Variants in FN1 observed in about 807,000 individuals in gnomAD.
FN1 encodes fibronectin 1, also known as fibronectin.
FN1 carries 106 observed loss-of-function variants against 297.3 expected under a neutral mutation model. The ratio of observed to expected loss-of-function variants is 0.36; its 90% confidence interval spans 0.30 to 0.42. The LOEUF (loss-of-function observed/expected upper bound fraction) is 0.42. Ranked by LOEUF, FN1 falls within the 10% of genes least tolerant of loss-of-function variation. The probability of loss-of-function intolerance (pLI) is 1.00; values close to 1 mark genes in which losing one functional copy is unlikely to be tolerated. For synonymous variants in FN1, 1,149 were observed against 1,152.6 expected, an observed-to-expected ratio of 1.00 and a Z score of 0.06; for missense variants, 2,690 against 3,124.9, an observed-to-expected ratio of 0.86 and a Z score of 3.32.
chr2:215,408,479 G>T, intron 15 of FN1, 53 bp from the exon 16 acceptor site: 3 of 1,564,870 alleles, frequency 1.9e-6, no homozygotes, highest in South Asian at 2.2e-5. Context: ...TCCCTCAAAT[G>T]ACTCTACAGC....
At chr2:215,433,938 C>T (rs2066991496) in intron 2 of FN1, among the ~76,000 whole-genome samples, 1 of 152,116 alleles carries the variant, frequency 6.6e-6, no homozygotes, top group South Asian at 2.1e-4. Context: ...CCCGTCTCTA[C>T]TAAAAATATG....
At chr2:215,391,073 C>G (rs2059653374) in intron 26 of FN1, among the ~76,000 whole-genome samples, 1 of 152,102 alleles carries the variant, frequency 6.6e-6, no homozygotes, top group Non-Finnish European at 1.5e-5. Context: ...TATTTAATGT[C>G]AGTTTTTTTT....
intron 21 of FN1, 79 bp downstream of exon 21, chr2:215,399,178 G>A (rs1463390967): frequency 4.7e-6 from 5 of 1,061,542 alleles, no homozygotes; most frequent in Non-Finnish European, 5.9e-6. Context: ...TGACTCCTGA[G>A]CACCCTGTTT....
chr2:215,404,985 T>G (rs1559490241), intron 19 of FN1, among the ~76,000 whole-genome samples: 1 of 152,196 alleles, frequency 6.6e-6, no homozygotes. Flanking sequence ...CAAACACTTC[T>G]GAAGTTCACA....
chr2:215,364,839 C>T lies in FN1; in HGVS notation c.7251+40G>A, dbSNP rs574728743. ...ATCCTTGCAGGAGCCCACCCTTTAT[C>T]TTATCTAACTTGTAGGGAGCCTGGC... On this transcript the variant is annotated intron_variant, in intron 44 of 45. Coordinates refer to ENST00000354785, the MANE Select transcript of FN1 (RefSeq NM_212482.4). The T allele has an allele frequency of 8.4e-5, 117 of 1,385,112 alleles. 1 individual carries two copies. In the South Asian group the frequency reaches 1.4e-3, roughly 16 times the overall value. The allele number at this position is 1,385,112 out of a possible 1,614,324, so 85.8% of individuals were successfully genotyped here. A position where few individuals can be genotyped will look rare whatever the true frequency, so the allele number is the denominator to read the frequency against.
chr2:215,391,188 T>G (rs2059665507), intron 26 of FN1, among the ~76,000 whole-genome samples: 1 of 151,368 alleles, frequency 6.6e-6, no homozygotes, highest in African/African-American at 2.4e-5. Context: ...GACCAAACAA[T>G]CAGTCACTTT....
Position 215,435,938 on chromosome 2 carries a change from G to A in FN1, c.-136C>T. The A allele has an allele frequency of 1.4e-6, 2 of 1,441,984 alleles. No individual in the cohort carries two copies. The highest frequency in any genetic ancestry group is 9.1e-7 in the Non-Finnish European group (1 of 1,099,446). 89.3% of individuals were successfully genotyped at this position (1,441,984 alleles called of 1,614,324 possible). A position where few individuals can be genotyped will look rare whatever the true frequency, so the allele number is the denominator to read the frequency against. The stretch of plus-strand genomic sequence containing the variant: ...GCCTCCAAGAAGGTGGGGGCCAGAG[G>A]GTGGGGAAGGGGACGGGTGGAGGGA... On this transcript the variant is annotated 5_prime_UTR_variant, in exon 1 of 46. Transcript: ENST00000354785.
In FN1 at chr2:215,414,728, A is replaced by G. The variant is rs990929251; in HGVS notation, c.1941+109T>C. 4 of 1,542,440 alleles carry G rather than the reference A, an allele frequency of 2.6e-6. No homozygotes were observed. In the African/African-American group the frequency reaches 4.1e-5, roughly 16 times the overall value. ...ACTAAACAAATATAGTAAATGCTAT[A>G]GGAATAGTTAATCAGAGTTGTTGGC... On this transcript the variant is annotated intron_variant, in intron 13 of 45. Transcript: ENST00000354785.
chr2:215,435,966 G>C lies in FN1; in HGVS notation c.-164C>G. The C allele has an allele frequency of 7.1e-7, 1 of 1,403,116 alleles. No homozygotes were observed. Among genetic ancestry groups the C allele is most frequent in the East Asian group, 2.5e-5 (1 of 39,772 alleles). 86.9% of individuals were successfully genotyped at this position (1,403,116 alleles called of 1,614,324 possible). The stretch of plus-strand genomic sequence containing the variant: ...GGGGAAGGGGACGGGTGGAGGGACA[G>C]AAGGGATGCAGAGGACCAGAGAAGT... On this transcript the variant is annotated 5_prime_UTR_variant, in exon 1 of 46. Transcript: ENST00000354785.
At position 215,384,923 on chromosome 2, in the gene FN1, G is replaced by C; in HGVS notation, c.4666C>G (p.Leu1556Val). 1.2e-6 allele frequency: 2 copies of C among 1,614,010 alleles called. No homozygotes were observed. Among genetic ancestry groups the C allele is most frequent in the African/African-American group, 1.3e-5 (1 of 75,018 alleles). ...ACAGCAGGAGCATCCCAGCTGATCA[G>C]TAGGCTGGTGGGGGTCGCAGCAACA... Reference protein sequence around the residue: ...EVVAATPTSLLISWDAPAVTV... With the variant: ...EVVAATPTSLVISWDAPAVTV... The change falls in exon 29 of 46, where the codon CTG becomes GTG. Residue 1556 changes from leucine to valine, a missense_variant. Around this residue, in one of 3 missense-constraint regions of FN1, gnomAD observed 1,743 missense variants for 1,945.2 expected, o/e 0.90. Transcript: ENST00000354785.
At chr2:215,417,838 T>C (rs550440001) in intron 12 of FN1, among the ~76,000 whole-genome samples, 1 of 152,306 alleles carries the variant, frequency 6.6e-6, no homozygotes, top group South Asian at 2.1e-4. Context: ...ACCTAAATGC[T>C]TCCAGCAAGC....
At position 215,408,291 on chromosome 2, in the gene FN1, C is replaced by T. The variant is rs767106272; in HGVS notation, c.2428+7G>A. On this transcript the variant is annotated splice_region_variant and intron_variant, in intron 16 of 45. Coordinates refer to ENST00000354785, the MANE Select transcript of FN1 (RefSeq NM_212482.4). ...GATTCTTTTAACACTATGTAGCACA[C>T]ATGTACCTGTTGTTTGTGAAGTAGA... 2 of 1,614,028 alleles carry T rather than the reference C, an allele frequency of 1.2e-6. No homozygotes were observed. Among genetic ancestry groups the T allele is most frequent in the African/African-American group, 1.3e-5 (1 of 74,922 alleles).
chr2:215,430,285 A>G (rs1331633840), intron 5 of FN1, among the ~76,000 whole-genome samples: 1 of 152,254 alleles, frequency 6.6e-6, no homozygotes, highest in East Asian at 1.9e-4. Flanking sequence ...AAGGAGCAGT[A>G]AAGACACCAG....
At position 215,384,082 on chromosome 2, in the gene FN1, G is replaced by A; in HGVS notation, c.4832C>T (p.Ala1611Val). 6.2e-7 allele frequency: 1 copy of A among 1,614,144 alleles called. No individual in the cohort carries two copies. Among genetic ancestry groups the A allele is most frequent in the South Asian group, 1.1e-5 (1 of 91,080 alleles). ...PGVDYTITVY[A>V]VTGRGDSPAS... ...GGGGCTGTCTCCACGGCCAGTGACA[G>A]CATACACAGTGATGGTATAATCAAC... is the stretch of plus-strand genomic sequence containing the variant. The change falls in exon 30 of 46, where the codon GCT becomes GTT. Residue 1611 changes from alanine to valine, a missense_variant. By Grantham distance (64) the Ala-to-Val change is moderately conservative (BLOSUM62 0). Transcript: ENST00000354785.
rs1431956662 is a variant in FN1 at position 215,404,506 on chromosome 2, G to A, written c.3136C>T (p.Pro1046Ser). The A allele has an allele frequency of 2.2e-5, 36 of 1,613,954 alleles. No individual in the cohort carries two copies. The highest frequency in any genetic ancestry group is 3.1e-5 in the Non-Finnish European group (36 of 1,179,998). The change falls in exon 20 of 46, where the codon CCC becomes TCC. Residue 1046 changes from proline (P) to serine (S), a missense_variant. Transcript: ENST00000354785. ...CTCAGTGGGTACTTGGAGACAGAGG[G>A]ACCCACATTGTACTGCCTGGGCTGT... is the stretch of plus-strand genomic sequence containing the variant. Reference protein sequence around the residue: ...RGQPRQYNVGPSVSKYPLRNL... With the variant: ...RGQPRQYNVGSSVSKYPLRNL...
Position 215,378,229 on chromosome 2 carries a change from G to T in FN1, c.5656C>A (p.Leu1886Ile). 1.2e-6 allele frequency: 2 copies of T among 1,612,078 alleles called. No homozygotes were observed. Among genetic ancestry groups the T allele is most frequent in the Non-Finnish European group, 1.7e-6 (2 of 1,178,486 alleles). ...ATKYEVSVYA[L>I]KDTLTSRPAQ... ...GGTCTGCTTGTCAAAGTGTCCTTAA[G>T]AGCATAGACACTCACTTCATATTTG... is the stretch of plus-strand genomic sequence containing the variant. Residue 1886 changes from leucine (L) to isoleucine (I), a missense_variant, in exon 35 of 46, where the codon CTT becomes ATT. By Grantham distance (5) the Leu-to-Ile change is conservative. Transcript: ENST00000354785.
At chr2:215,362,147 TGAGTTA>T (rs1434908765) in intron 44 of FN1, 68 bp from the exon 45 acceptor site, 5 of 1,220,728 alleles carry the variant, frequency 4.1e-6, no homozygotes, top group South Asian at 2.5e-5. Context: ...ATTTAGTGTT[TGAGTTA>T]AAGAAAAATG....
rs1195488044 is a variant in FN1, at chr2:215,394,668, T to C, written c.3656A>G (p.Asn1219Ser). 19 of 1,614,140 alleles carry C rather than the reference T, an allele frequency of 1.2e-5. No homozygotes were observed. Among genetic ancestry groups the C allele is most frequent in the Non-Finnish European group, 1.6e-5 (19 of 1,179,994 alleles). Residue 1219 changes from asparagine (N) to serine (S), a missense_variant, in exon 24 of 46, where the codon AAT becomes AGT. By Grantham distance (46) the Asn-to-Ser change is conservative. Coordinates refer to ENST00000354785, the MANE Select transcript of FN1 (RefSeq NM_212482.4). Reference protein sequence around the residue: ...TTTPTNGQQGNSLEEVVHADQ... With the variant: ...TTTPTNGQQGSSLEEVVHADQ... ...AGCATGGACCACTTCTTCCAAAGAA[T>C]TTCCCTGCTGGCCGTTTGTAGGGGT...
chr2:215,401,932 G>C (rs1185228393), intron 20 of FN1, among the ~76,000 whole-genome samples: 1 of 151,306 alleles, frequency 6.6e-6, no homozygotes, highest in African/African-American at 2.4e-5. Context: ...TATTTTGATG[G>C]TGTTTGGTGG....
Sources: allele counts gnomAD v4.1 joint callset (sites outside exome capture counted in the v4.1 genomes callset), GRCh38; gene constraint gnomAD v4.1.1; regional missense constraint gnomAD v4.1.1; transcripts MANE v1.5; gene names NCBI Gene and HGNC (gene_info 2026-07-23, HGNC 2026-07-21).